The following PDK1 variants were observed in gnomAD, a reference collection of about 807,000 sequenced individuals.
PDK1 encodes pyruvate dehydrogenase kinase 1.
A neutral mutation model predicts 54.2 loss-of-function variants in PDK1; 39 were observed. The ratio of observed to expected loss-of-function variants is 0.72; its 90% CI spans 0.56 to 0.94. The LOEUF is 0.94. Among genes scored for constraint, PDK1 ranks in the 40% least tolerant of loss-of-function variants. The pLI, the probability that PDK1 is intolerant of heterozygous loss-of-function variation, is 0.00. For missense variants in PDK1, 552 were observed against 566.0 expected, an observed-to-expected ratio of 0.98 and a Z score of 0.25; for synonymous variants, 221 against 207.1, an observed-to-expected ratio of 1.07 and a Z score of -0.58.
At chr2:172,566,796 A>C (rs940959656) in intron 5 of PDK1, 60 bp from the exon 6 acceptor site, 18 of 1,051,414 alleles carry the variant, frequency 1.7e-5, no homozygotes, top group Non-Finnish European at 2.5e-5. Context: ...TGCCATCTTA[A>C]TGCGTGAAAG....
the PDK1 span, among the ~76,000 whole-genome samples, chr2:172,675,101 T>C: frequency 1.3e-5 from 2 of 152,234 alleles, no homozygotes; most frequent in South Asian, 2.1e-4. Context: ...GCAAACTTGA[T>C]TGATAAATGT....
chr2:172,629,867 GTGAAGGTT>G, the PDK1 span, among the ~76,000 whole-genome samples: 1 of 152,198 alleles, frequency 6.6e-6, no homozygotes, highest in Non-Finnish European at 1.5e-5. Flanking sequence ...TCCCCGTCCT[GTGAAGGTT>G]TGAAAGCTGT....
chr2:172,632,477 G>A, the PDK1 span, among the ~76,000 whole-genome samples: 1 of 151,986 alleles, frequency 6.6e-6, no homozygotes, highest in African/African-American at 2.4e-5. Flanking sequence ...TGCTTTGTTG[G>A]GCTAATTTGT....
At chr2:172,595,366 G>A (rs868665646) in intron 10 of PDK1, among the ~76,000 whole-genome samples, 10 of 152,006 alleles carry the variant, frequency 6.6e-5, no homozygotes, top group African/African-American at 2.2e-4. Context: ...CACCGTGCCT[G>A]GCTTGTGATG....
the PDK1 span, among the ~76,000 whole-genome samples, chr2:172,616,933 A>G: frequency 1.3e-5 from 2 of 152,098 alleles, no homozygotes; most frequent in Non-Finnish European, 2.9e-5. Flanking sequence ...GTAATTTATA[A>G]AAATAATGAT....
chr2:172,649,068 T>G, the PDK1 span, among the ~76,000 whole-genome samples: 38 of 152,226 alleles, frequency 2.5e-4, no homozygotes, highest in Non-Finnish European at 4.6e-4. Context: ...GTAGCCTAAC[T>G]GGGAGACACC....
chr2:172,717,785 C>T, the PDK1 span, among the ~76,000 whole-genome samples: 1 of 152,176 alleles, frequency 6.6e-6, no homozygotes, highest in Admixed American at 6.5e-5. Flanking sequence ...CACTCTCCTC[C>T]TACCCAAGGA....
the PDK1 span, among the ~76,000 whole-genome samples, chr2:172,710,981 C>T: frequency 6.6e-6 from 1 of 152,194 alleles, no homozygotes; most frequent in Non-Finnish European, 1.5e-5. Flanking sequence ...TTGGAAAGCA[C>T]ATTGGAAGTT....
At chr2:172,656,690 C>A in the PDK1 span, among the ~76,000 whole-genome samples, 4 of 152,126 alleles carry the variant, frequency 2.6e-5, no homozygotes, top group African/African-American at 9.7e-5. Flanking sequence ...AGGAGGATCA[C>A]TTCTTGAGGC....
chr2:172,694,289 A>G, the PDK1 span, among the ~76,000 whole-genome samples: 1 of 152,256 alleles, frequency 6.6e-6, no homozygotes. Flanking sequence ...GAGACTACCC[A>G]AGCATTTAAG....
chr2:172,643,429 G>A, the PDK1 span, among the ~76,000 whole-genome samples: 14 of 152,332 alleles, frequency 9.2e-5, no homozygotes, highest in African/African-American at 3.4e-4. Flanking sequence ...GGGTGTGGCC[G>A]TGAGCCCTGT....
chr2:172,689,149 T>G, the PDK1 span, among the ~76,000 whole-genome samples: 2 of 152,094 alleles, frequency 1.3e-5, no homozygotes, highest in Non-Finnish European at 2.9e-5. Context: ...CGCTGATTGG[T>G]CCATTTTACA....
At chr2:172,704,067 C>G in the PDK1 span, among the ~76,000 whole-genome samples, 2 of 152,138 alleles carry the variant, frequency 1.3e-5, no homozygotes, top group African/African-American at 4.8e-5. Context: ...AGCCACCGTG[C>G]CCGGCCTACT....
rs1691278792 is a variant in PDK1 at position 172,605,991 on chromosome 2, A to G, written c.*10022A>G. On this transcript the variant is annotated 3_prime_UTR_variant, in exon 11 of 11. Transcript: ENST00000282077. The stretch of plus-strand genomic sequence containing the variant: ...ACTCCATGAGCCAGATTTTATACAT[A>G]CTTTGCGTGACCATAAAACTCTGTA... The G allele has an allele frequency of 6.6e-6, 1 of 152,080 alleles. No homozygotes were observed. The highest frequency in any genetic ancestry group is 2.4e-5 in the African/African-American group (1 of 41,376). 9.4% of individuals were successfully genotyped at this position (152,080 alleles called of 1,614,324 possible).
the PDK1 span, among the ~76,000 whole-genome samples, chr2:172,656,482 G>A: frequency 1.3e-5 from 2 of 152,152 alleles, no homozygotes; most frequent in African/African-American, 2.4e-5. Context: ...TAGAGGATTG[G>A]AGTTGAGTAT....
At chr2:172,674,104 A>G in the PDK1 span, 1 of 152,416 alleles carries the variant, frequency 6.6e-6, no homozygotes, top group Non-Finnish European at 1.5e-5. Flanking sequence ...TGAACTATCA[A>G]CAAAGAAGCC....
chr2:172,653,474 G>T, the PDK1 span, among the ~76,000 whole-genome samples: 1 of 152,160 alleles, frequency 6.6e-6, no homozygotes, highest in East Asian at 1.9e-4. Context: ...ATGGTCGTGG[G>T]CACCTGTAAT....
chr2:172,698,340 G>A, the PDK1 span, among the ~76,000 whole-genome samples: 1 of 152,010 alleles, frequency 6.6e-6, no homozygotes, highest in Non-Finnish European at 1.5e-5. Flanking sequence ...AGTTTGGGCT[G>A]GTTTGTAAGT....
the PDK1 span, among the ~76,000 whole-genome samples, chr2:172,700,017 TA>T: frequency 6.6e-6 from 1 of 152,194 alleles, no homozygotes; most frequent in African/African-American, 2.4e-5. Context: ...GCACCGCCCT[TA>T]ATCCATTTAA....
Sources: allele counts gnomAD v4.1 joint callset (sites outside exome capture counted in the v4.1 genomes callset), GRCh38; gene constraint gnomAD v4.1.1; transcripts MANE v1.5; gene names NCBI Gene and HGNC (gene_info 2026-07-23, HGNC 2026-07-21).